MAP7: variants seen among roughly 807,000 people sequenced by gnomAD.
MAP7 encodes the protein ensconsin.
Under a neutral mutation model 94.8 loss-of-function variants are expected in MAP7, and 52 were observed. The observed-to-expected ratio is 0.55, with a 90% CI of 0.44 to 0.69. MAP7 has a LOEUF of 0.69. MAP7 is among the 30% of genes least tolerant of loss of function. The pLI is 0.00. For missense variants in MAP7, 940 were observed against 964.6 expected, an observed-to-expected ratio of 0.97 and a Z score of 0.34; for synonymous variants, 350 against 357.0, an observed-to-expected ratio of 0.98 and a Z score of 0.22.
intron 3 of MAP7, among the ~76,000 whole-genome samples, chr6:136,394,970 A>ATATATATATATATATC (rs1582782641): frequency 1.5e-5 from 2 of 131,236 alleles, no homozygotes; most frequent in Non-Finnish European, 3.2e-5. Flanking sequence ...ATATATATAT[A>ATATATATATATATATC]TCACATTTTC....
chr6:136,525,936 T>C lies in MAP7; in HGVS notation c.67+24406A>G, dbSNP rs771532911. 1.4e-5 allele frequency: 21 copies of C among 1,535,148 alleles called. No homozygotes were observed. The South Asian group carries it at 2.4e-4, about 17-fold the overall frequency. ...TGCATTGGTCTTCTTCAGTCTCTCA[T>C]GTCGGAGAGCTGTAGCTGATCCAGG... On this transcript the variant is annotated intron_variant, in intron 1 of 17. Transcript: ENST00000354570.
At chr6:136,407,514 A>ACTAG (rs1786000459) in intron 3 of MAP7, among the ~76,000 whole-genome samples, 1 of 152,242 alleles carries the variant, frequency 6.6e-6, no homozygotes, top group Non-Finnish European at 1.5e-5. Flanking sequence ...ATTAGCCTGA[A>ACTAG]CTAGGATAAT....
In MAP7 at chr6:136,421,754, C is replaced by A. The variant is rs1479705735; in HGVS notation, c.113G>T (p.Arg38Leu). Residue 38 changes from arginine to leucine, a missense_variant, in exon 2 of 18, where the codon CGC (arginine) becomes CTC (leucine). Physicochemically the swap from Arg to Leu is moderately radical, Grantham distance 102. Coordinates refer to ENST00000354570, the MANE Select transcript of MAP7 (RefSeq NM_003980.6). ...KVQDKKNASS[R>L]PASAISGQNN... is the part of the protein sequence containing the mutation. ...TTGTCCTGAAATTGCAGAGGCAGGG[C>A]GGCTGGAGGCATTTTTCTTATCTTG... The A allele has an allele frequency of 1.9e-6, 3 of 1,613,956 alleles. No homozygotes were observed. Among genetic ancestry groups the A allele is most frequent in the East Asian group, 2.2e-5 (1 of 44,862 alleles).
intron 5 of MAP7, among the ~76,000 whole-genome samples, chr6:136,386,429 G>T (rs1189754212): frequency 6.6e-6 from 1 of 152,168 alleles, no homozygotes; most frequent in Non-Finnish European, 1.5e-5. Context: ...CTTGTTCTGA[G>T]TGGCAGAAAT....
chr6:136,533,015 G>A (rs1828593536), intron 1 of MAP7, among the ~76,000 whole-genome samples: 1 of 152,218 alleles, frequency 6.6e-6, no homozygotes, highest in Non-Finnish European at 1.5e-5. Flanking sequence ...ATACATGCCT[G>A]TAATCCCAGC....
intron 16 of MAP7, 152 bp downstream of exon 16, chr6:136,356,540 A>G: frequency 1.6e-6 from 1 of 616,986 alleles, no homozygotes; most frequent in Non-Finnish European, 2.9e-6. Context: ...AGATATTTCC[A>G]CTTTCTTGGA....
At chr6:136,382,615 C>A (rs1778103113) in intron 6 of MAP7, among the ~76,000 whole-genome samples, 1 of 151,940 alleles carries the variant, frequency 6.6e-6, no homozygotes, top group Admixed American at 6.6e-5. Flanking sequence ...GGCTAAAAGA[C>A]AAGAATGGAA....
At chr6:136,345,478 T>C (rs1309275242) in intron 17 of MAP7, among the ~76,000 whole-genome samples, 2 of 152,220 alleles carry the variant, frequency 1.3e-5, no homozygotes, top group Admixed American at 1.3e-4. Flanking sequence ...AACTCAGATC[T>C]TTCTCTAGTG....
chr6:136,532,943 G>A (rs777322150), intron 1 of MAP7, among the ~76,000 whole-genome samples: 12 of 152,158 alleles, frequency 7.9e-5, no homozygotes, highest in South Asian at 2.1e-4. Context: ...TCTGATCTCC[G>A]CACCTGCGGC....
chr6:136,511,849 A>G (rs925417196), intron 1 of MAP7, among the ~76,000 whole-genome samples: 1 of 152,338 alleles, frequency 6.6e-6, no homozygotes, highest in African/African-American at 2.4e-5. Context: ...CACGGCTGTA[A>G]TGAGGATATG....
chr6:136,502,357 C>T (rs1820052677), intron 1 of MAP7, among the ~76,000 whole-genome samples: 2 of 152,248 alleles, frequency 1.3e-5, no homozygotes, highest in African/African-American at 4.8e-5. Context: ...GATAAGTATA[C>T]TACATTCCTT....
At chr6:136,546,912 A>T (rs1053573333) in intron 1 of MAP7, among the ~76,000 whole-genome samples, 4 of 152,196 alleles carry the variant, frequency 2.6e-5, no homozygotes, top group Non-Finnish European at 4.4e-5. Context: ...TATCAATATT[A>T]CATAAATGCA....
intron 5 of MAP7, among the ~76,000 whole-genome samples, chr6:136,385,107 C>T (rs544119258): frequency 2.6e-5 from 4 of 152,250 alleles, no homozygotes; most frequent in Admixed American, 1.3e-4. Context: ...ACTCAGTACC[C>T]GTTGGTCTAA....
chr6:136,350,306 T>C (rs1788806465), intron 16 of MAP7, among the ~76,000 whole-genome samples: 1 of 152,194 alleles, frequency 6.6e-6, no homozygotes, highest in Non-Finnish European at 1.5e-5. Context: ...ATAAAGATAC[T>C]GACTGATCAC....
chr6:136,493,418 G>A (rs980351400), intron 1 of MAP7, among the ~76,000 whole-genome samples: 7 of 151,450 alleles, frequency 4.6e-5, no homozygotes, highest in South Asian at 2.1e-4. Context: ...CCACCGCACC[G>A]GCTTCTTCTT....
intron 16 of MAP7, among the ~76,000 whole-genome samples, 160 bp downstream of exon 16, chr6:136,356,532 A>G (rs1348051115): frequency 1.3e-5 from 2 of 151,376 alleles, no homozygotes; most frequent in African/African-American, 4.8e-5. Flanking sequence ...GAGAAAAAAG[A>G]TATTTCCACT....
chr6:136,365,665 A>T, intron 10 of MAP7, 70 bp downstream of exon 10: 1 of 1,513,442 alleles, frequency 6.6e-7, no homozygotes, highest in Non-Finnish European at 8.9e-7. Flanking sequence ...AGGAAAACAA[A>T]AAAAGCTTCA....
chr6:136,513,171 G>C (rs1345951643), intron 1 of MAP7, among the ~76,000 whole-genome samples: 1 of 152,180 alleles, frequency 6.6e-6, no homozygotes, highest in Non-Finnish European at 1.5e-5. Context: ...AGATAGCAAT[G>C]AAATTTGCCA....
chr6:136,497,918 TC>T (rs1390394468), intron 1 of MAP7, among the ~76,000 whole-genome samples: 9 of 151,900 alleles, frequency 5.9e-5, no homozygotes, highest in African/African-American at 2.2e-4. Flanking sequence ...TACCACCCTT[TC>T]CCCTTTAAAT....
Sources: gnomAD v4.1 joint callset for allele counts (sites outside exome capture counted in the v4.1 genomes callset) on GRCh38, gnomAD v4.1.1 for gene constraint, MANE v1.5 for transcripts, NCBI Gene and HGNC (gene_info 2026-07-23, HGNC 2026-07-21) for gene names.